The following ESF1 variants were observed in gnomAD, a reference collection of about 807,000 sequenced individuals.
The protein encoded by ESF1 is ESF1 homolog.
ESF1 carries 58 observed loss-of-function variants against 92.0 expected under a neutral mutation model. The ratio of observed to expected loss-of-function variants is 0.63; its 90% CI spans 0.51 to 0.78. The LOEUF (loss-of-function observed/expected upper bound fraction) is 0.78. Among genes scored for constraint, ESF1 ranks in the 30% least tolerant of loss-of-function variants. The pLI is 0.00. For synonymous variants in ESF1, 321 were observed against 313.7 expected (o/e 1.02, Z -0.24); for missense variants, 922 against 989.1 (o/e 0.93, Z 0.91).
Position 13,766,954 on chromosome 20 carries a change from C to A in ESF1, c.1519-30G>T, listed in dbSNP as rs201571200. On this transcript the variant is annotated intron_variant, in intron 7 of 13. Coordinates refer to ENST00000617257, the MANE Select transcript of ESF1 (RefSeq NM_001276380.2). ...CACCAACAAATAAGAAAAAATAACACACGAAAATGGAAATGTCAGCTCAAA... is the reference window on the plus strand; with the variant it reads ...CACCAACAAATAAGAAAAAATAACAAACGAAAATGGAAATGTCAGCTCAAA... 1.8e-5 allele frequency: 29 copies of A among 1,599,198 alleles called. No individual in the cohort carries two copies. In the African/African-American group the frequency reaches 3.9e-4, roughly 21 times the overall value.
chr20:13,765,826 T>C (rs1271686463), intron 8 of ESF1, among the ~76,000 whole-genome samples: 1 of 152,094 alleles, frequency 6.6e-6, no homozygotes, highest in Non-Finnish European at 1.5e-5. Flanking sequence ...ACACACAAAA[T>C]TAACTAGGCA....
At position 13,722,629 on chromosome 20, in the gene ESF1, T is replaced by C. The variant is rs1043680925; in HGVS notation, c.2039-3645A>G. 1.3e-4 allele frequency among the ~76,000 whole-genome samples: 20 copies of C among 152,158 alleles called. 1 individual carries two copies. The highest frequency in any genetic ancestry group is 4.8e-4 in the African/African-American group (20 of 41,538). ...CTTTGGAAGGCTGAAGGAGGAAGAT[T>C]GCTTGAAGCCAGGAGTTTGAGACCA... is the stretch of plus-strand genomic sequence containing the variant. On this transcript the variant is annotated intron_variant, in intron 11 of 13. Coordinates refer to ENST00000617257, the MANE Select transcript of ESF1 (RefSeq NM_001276380.2).
intron 1 of ESF1, 123 bp downstream of exon 1, chr20:13,784,757 G>A (rs2147461129): frequency 2.5e-6 from 1 of 406,902 alleles, no homozygotes; most frequent in Non-Finnish European, 4.6e-6. Flanking sequence ...GGAGGAAGGG[G>A]CAAAACCCCT....
At chr20:13,730,027 A>C (rs577984419) in intron 10 of ESF1, among the ~76,000 whole-genome samples, 4 of 152,300 alleles carry the variant, frequency 2.6e-5, no homozygotes, top group Non-Finnish European at 4.4e-5. Context: ...CTAAAGCCCT[A>C]AAGAATATTT....
At chr20:13,726,298 G>A (rs2049900399) in intron 11 of ESF1, among the ~76,000 whole-genome samples, 1 of 152,178 alleles carries the variant, frequency 6.6e-6, no homozygotes, top group Non-Finnish European at 1.5e-5. Flanking sequence ...CCCTACAGGG[G>A]TAGTTTCCAC....
At chr20:13,776,683 G>A (rs769957037) in intron 2 of ESF1, among the ~76,000 whole-genome samples, 7 of 152,148 alleles carry the variant, frequency 4.6e-5, no homozygotes, top group African/African-American at 1.2e-4. Flanking sequence ...CAATATATAG[G>A]AAAAGTTAAA....
intron 2 of ESF1, among the ~76,000 whole-genome samples, chr20:13,778,792 A>G (rs187001414): frequency 2.0e-5 from 3 of 152,274 alleles, no homozygotes; most frequent in Admixed American, 6.5e-5. Context: ...CACGCCTGTA[A>G]TCCCATCATA....
intron 9 of ESF1, among the ~76,000 whole-genome samples, chr20:13,748,830 G>A (rs973674828): frequency 4.6e-5 from 7 of 151,414 alleles, no homozygotes; most frequent in African/African-American, 1.5e-4. Flanking sequence ...CTCGTGATCC[G>A]CCCACCTCAG....
chr20:13,752,647 C>T (rs927560222), intron 9 of ESF1, among the ~76,000 whole-genome samples: 4 of 152,158 alleles, frequency 2.6e-5, no homozygotes, highest in Non-Finnish European at 5.9e-5. Flanking sequence ...AATTCAAAAA[C>T]ATTTTTACTT....
At chr20:13,726,247 T>C in intron 11 of ESF1, among the ~76,000 whole-genome samples, 1 of 152,148 alleles carries the variant, frequency 6.6e-6, no homozygotes, top group East Asian at 1.9e-4. Context: ...CTTTCCACTA[T>C]CAGTAAAGTA....
Position 13,721,898 on chromosome 20 carries a change from TTC to T in ESF1, c.2039-2916_2039-2915del, listed in dbSNP as rs372081097. On this transcript the variant is annotated intron_variant, in intron 11 of 13. Coordinates refer to ENST00000617257, the MANE Select transcript of ESF1 (RefSeq NM_001276380.2). ...TATACGAATCTTAAGAGTATAATCT[TTC>T]TCTGTCTTAATGTATGTGTATGTCC... Among the ~76,000 whole-genome samples the T allele has an allele frequency of 4.5e-3, 681 of 152,306 alleles. 12 individuals carry two copies. The highest frequency in any genetic ancestry group is 0.015 in the African/African-American group (644 of 41,558).
At chr20:13,750,517 G>C (rs908695242) in intron 9 of ESF1, among the ~76,000 whole-genome samples, 18 of 151,636 alleles carry the variant, frequency 1.2e-4, no homozygotes, top group East Asian at 5.8e-4. Context: ...AAGAAAGAAA[G>C]AAACAAACAA....
Position 13,759,791 on chromosome 20 carries a change from C to G in ESF1, c.1729G>C (p.Glu577Gln), listed in dbSNP as rs1248252291. The G allele has an allele frequency of 6.3e-7, 1 of 1,592,394 alleles. No homozygotes were observed. The highest frequency in any genetic ancestry group is 1.4e-5 in the African/African-American group (1 of 73,184). ...KTKKSQKDDE[E>Q]QIAKYRQLLQ... The stretch of plus-strand genomic sequence containing the variant: ...AGCTGCCTGTATTTAGCAATTTGTT[C>G]TTCATCATCCTTCTGACTTTTCTTT... The change falls in exon 9 of 14, where the codon GAA becomes CAA. Residue 577 changes from glutamate to glutamine, a missense_variant. By Grantham distance (29) the Glu-to-Gln change is conservative. Coordinates refer to ENST00000617257, the MANE Select transcript of ESF1 (RefSeq NM_001276380.2).
intron 8 of ESF1, among the ~76,000 whole-genome samples, chr20:13,763,288 G>A (rs1979287965): frequency 6.6e-6 from 1 of 152,218 alleles, no homozygotes; most frequent in Non-Finnish European, 1.5e-5. Context: ...AGGGGGTTTA[G>A]TAAACCTAAT....
intron 8 of ESF1, among the ~76,000 whole-genome samples, chr20:13,765,892 A>G (rs1262532996): frequency 6.6e-6 from 1 of 152,248 alleles, no homozygotes; most frequent in Non-Finnish European, 1.5e-5. Flanking sequence ...CTGAAAATAC[A>G]TGAAATATTA....
Position 13,728,369 on chromosome 20 carries a change from C to A in ESF1, c.2038+9G>T, listed in dbSNP as rs759406577. Reference sequence around the variant, plus strand: ...TCCAGTTGAAAACTACAGATATGAGCTGGCTTACCTATTTGTTTAACTTCT... The same window carrying A: ...TCCAGTTGAAAACTACAGATATGAGATGGCTTACCTATTTGTTTAACTTCT... On this transcript the variant is annotated intron_variant, in intron 11 of 13. Coordinates refer to ENST00000617257, the MANE Select transcript of ESF1 (RefSeq NM_001276380.2). 1.2e-6 allele frequency: 2 copies of A among 1,600,754 alleles called. No homozygotes were observed. The highest frequency in any genetic ancestry group is 1.7e-6 in the Non-Finnish European group (2 of 1,173,424).
At chr20:13,783,955 C>G (rs978883803) in intron 1 of ESF1, among the ~76,000 whole-genome samples, 2 of 152,252 alleles carry the variant, frequency 1.3e-5, no homozygotes, top group African/African-American at 2.4e-5. Context: ...AGCATTCTAA[C>G]TAAACAGACC....
At chr20:13,770,061 C>T in intron 6 of ESF1, 40 bp from the exon 7 acceptor site, 1 of 1,158,402 alleles carries the variant, frequency 8.6e-7, no homozygotes, top group South Asian at 1.3e-5. Flanking sequence ...AAATACGCTG[C>T]AGTGATAACC....
intron 11 of ESF1, among the ~76,000 whole-genome samples, 165 bp from the exon 12 acceptor site, chr20:13,719,149 T>A (rs769729981): frequency 1.5e-4 from 23 of 152,160 alleles, no homozygotes; most frequent in Non-Finnish European, 3.2e-4. Flanking sequence ...TGTGGGTATA[T>A]GAATGGAATA....
Sources: gnomAD v4.1 joint callset for allele counts (sites outside exome capture counted in the v4.1 genomes callset) on GRCh38, gnomAD v4.1.1 for gene constraint, MANE v1.5 for transcripts, NCBI Gene and HGNC (gene_info 2026-07-23, HGNC 2026-07-21) for gene names.